The following FMN1 variants were observed in gnomAD, a reference collection of about 807,000 sequenced individuals.
The protein encoded by FMN1 is formin-1.
A neutral mutation model predicts 132.4 loss-of-function variants in FMN1; 110 were observed. The ratio of observed to expected loss-of-function variants is 0.83; its 90% confidence interval spans 0.71 to 0.97. The LOEUF is 0.97. Ranked by LOEUF, FMN1 falls within the 50% of genes least tolerant of loss-of-function variation. The pLI, the probability that FMN1 is intolerant of heterozygous loss-of-function variation, is 0.00. For synonymous variants in FMN1, 722 were observed against 651.7 expected (o/e 1.11, Z -1.64); for missense variants, 1,792 against 1,705.3 (o/e 1.05, Z -0.90).
intron 6 of FMN1, among the ~76,000 whole-genome samples, chr15:33,027,383 CTCAT>C (rs1185239394): frequency 6.6e-6 from 1 of 152,142 alleles, no homozygotes; most frequent in Non-Finnish European, 1.5e-5. Flanking sequence ...TAAGTAATTA[CTCAT>C]TCACTCAGTT....
intron 3 of FMN1, among the ~76,000 whole-genome samples, chr15:33,179,657 GAA>G (rs983434962): frequency 1.3e-5 from 2 of 152,188 alleles, no homozygotes; most frequent in African/African-American, 4.8e-5. Context: ...TAACTGTCAT[GAA>G]AAGAGTTTTG....
At chr15:32,827,313 T>G (rs556407370) in intron 17 of FMN1, among the ~76,000 whole-genome samples, 1 of 152,210 alleles carries the variant, frequency 6.6e-6, no homozygotes, top group African/African-American at 2.4e-5. Flanking sequence ...GCAGAGTTTG[T>G]GGCGGTAAGG....
chr15:33,072,476 T>C (rs2141282916), intron 5 of FMN1, among the ~76,000 whole-genome samples: 1 of 118,654 alleles, frequency 8.4e-6, no homozygotes, highest in South Asian at 3.7e-4. Context: ...GTTATAACTC[T>C]GTTAAAAACA....
At chr15:33,015,739 G>C (rs2035008679) in intron 6 of FMN1, among the ~76,000 whole-genome samples, 1 of 151,928 alleles carries the variant, frequency 6.6e-6, no homozygotes, top group Non-Finnish European at 1.5e-5. Context: ...ATTATACTTG[G>C]ACGATACTCA....
intron 4 of FMN1, among the ~76,000 whole-genome samples, chr15:33,128,812 G>A (rs376546444): frequency 8.5e-4 from 129 of 152,358 alleles, no homozygotes; most frequent in African/African-American, 2.8e-3. Context: ...ACTGTCACGA[G>A]CAAAATAACA....
At chr15:33,089,075 C>T (rs1331193874) in intron 4 of FMN1, 101 bp from the exon 5 acceptor site, 1 of 922,632 alleles carries the variant, frequency 1.1e-6, no homozygotes, top group Non-Finnish European at 1.6e-6. Flanking sequence ...TCTATGCTAG[C>T]TCTTACTTTG....
At chr15:32,963,991 GGTATGTGT>G (rs1407198683) in intron 9 of FMN1, 108 bp downstream of exon 9, 14 of 519,390 alleles carry the variant, frequency 2.7e-5, no homozygotes, top group Non-Finnish European at 4.5e-5. Context: ...TATATGTATA[GGTATGTGT>G]GTGTGTGTAT....
At position 32,800,165 on chromosome 15, in the gene FMN1, C is replaced by T. The variant is rs370090258; in HGVS notation, c.3981-1212G>A. On this transcript the variant is annotated intron_variant, in intron 18 of 20. Transcript: ENST00000616417. ...GAACTGTTAATTGATTCCATGGGTACGATTAGGCGAGATCCAAGCTGGAGC... is the reference window on the plus strand; with the variant it reads ...GAACTGTTAATTGATTCCATGGGTATGATTAGGCGAGATCCAAGCTGGAGC... 1.4e-4 allele frequency among the ~76,000 whole-genome samples: 22 copies of T among 152,188 alleles called. 1 individual carries two copies. In the East Asian group the frequency reaches 3.3e-3, roughly 23 times the overall value.
At chr15:33,016,148 T>C (rs2035032754) in intron 6 of FMN1, among the ~76,000 whole-genome samples, 1 of 152,182 alleles carries the variant, frequency 6.6e-6, no homozygotes, top group South Asian at 2.1e-4. Flanking sequence ...GTAAAAATAG[T>C]ATAAATATGT....
chr15:33,040,757 T>C (rs2036397055), intron 6 of FMN1, among the ~76,000 whole-genome samples: 1 of 152,218 alleles, frequency 6.6e-6, no homozygotes, highest in African/African-American at 2.4e-5. Flanking sequence ...TACAATAGCA[T>C]CTTTTTTATC....
chr15:33,169,287 G>A (rs7178846), intron 3 of FMN1, among the ~76,000 whole-genome samples: 124,816 of 152,224 alleles, frequency 0.82, 51,705 homozygotes, highest in Middle Eastern at 0.92. Context: ...TTGCTATAGC[G>A]GCCTCACGCT....
chr15:32,784,843 C>A (rs1276336520), intron 19 of FMN1, among the ~76,000 whole-genome samples: 1 of 152,112 alleles, frequency 6.6e-6, no homozygotes, highest in East Asian at 1.9e-4. Flanking sequence ...TATTTATGGT[C>A]TTTTCTGGAA....
rs1444523400 is a variant in FMN1, at chr15:32,785,218, A to ATATATATTTTTTTTT, written c.4131-8300_4131-8299insAAAAAAAAATATATA. 2.3e-4 allele frequency among the ~76,000 whole-genome samples: 9 copies of ATATATATTTTTTTTT among 39,206 alleles called. 1 individual carries two copies. Among genetic ancestry groups the ATATATATTTTTTTTT allele is most frequent in the Non-Finnish European group, 3.6e-4 (8 of 22,108 alleles). 25.7% of individuals were successfully genotyped at this position (39,206 alleles called of 152,430 possible). A position where few individuals can be genotyped will look rare whatever the true frequency, so the allele number is the denominator to read the frequency against. ...TGTGTGTGTATATATATATATATAT[A>ATATATATTTTTTTTT]TTTTTTTTTTTTTTTTTTTGTAGAG... On this transcript the variant is annotated intron_variant, in intron 19 of 20. Coordinates refer to ENST00000616417, the MANE Select transcript of FMN1 (RefSeq NM_001277313.2).
At chr15:33,065,841 T>C (rs1016856931) in intron 5 of FMN1, among the ~76,000 whole-genome samples, 2 of 152,200 alleles carry the variant, frequency 1.3e-5, no homozygotes, top group Admixed American at 6.5e-5. Context: ...TTAGTTTTCT[T>C]TGAGTAATAA....
chr15:33,179,053 A>G (rs1040357326), intron 3 of FMN1, among the ~76,000 whole-genome samples: 8 of 152,210 alleles, frequency 5.3e-5, no homozygotes, highest in Admixed American at 4.6e-4. Flanking sequence ...ATAATGATTA[A>G]TGACAGCTTG....
chr15:33,017,273 A>C (rs926295426), intron 6 of FMN1, among the ~76,000 whole-genome samples: 1 of 152,190 alleles, frequency 6.6e-6, no homozygotes, highest in Non-Finnish European at 1.5e-5. Flanking sequence ...TTCAAAATCC[A>C]TCTTCAGTAC....
At chr15:33,132,699 T>A (rs747770320) in intron 4 of FMN1, among the ~76,000 whole-genome samples, 3 of 152,172 alleles carry the variant, frequency 2.0e-5, no homozygotes, top group Non-Finnish European at 4.4e-5. Flanking sequence ...TAAAAGAACT[T>A]CGGGGGCCTT....
intron 3 of FMN1, among the ~76,000 whole-genome samples, chr15:33,175,045 T>TC (rs34389623): frequency 8.9e-5 from 9 of 101,152 alleles, no homozygotes; most frequent in African/African-American, 2.3e-4. Flanking sequence ...TTTTTTTTTT[T>TC]AGACAGGGTC....
At chr15:32,993,866 T>C (rs975335413) in intron 7 of FMN1, among the ~76,000 whole-genome samples, 1 of 130,558 alleles carries the variant, frequency 7.7e-6, no homozygotes, top group Admixed American at 8.3e-5. Flanking sequence ...CCACATCCTC[T>C]CTGCCCTCCT....
Sources: gnomAD v4.1 joint callset for allele counts (sites outside exome capture counted in the v4.1 genomes callset) on GRCh38, gnomAD v4.1.1 for gene constraint, MANE v1.5 for transcripts, NCBI Gene and HGNC (gene_info 2026-07-23, HGNC 2026-07-21) for gene names.